The following KIFAP3 variants were observed in gnomAD, a reference collection of about 807,000 sequenced individuals.
The protein encoded by KIFAP3 is kinesin associated protein 3, also known as kinesin-associated protein 3.
In KIFAP3, 68 loss-of-function variants were observed where a neutral mutation model predicts 106.5. The ratio of observed to expected loss-of-function variants is 0.64; its 90% CI spans 0.53 to 0.78. KIFAP3 has a LOEUF of 0.78. Ranked by LOEUF, KIFAP3 falls within the 30% of genes least tolerant of loss-of-function variation. KIFAP3 has a pLI of 0.00. For missense variants in KIFAP3, 780 were observed against 941.8 expected, an observed-to-expected ratio of 0.83 and a Z score of 2.25; for synonymous variants, 320 against 311.5, an observed-to-expected ratio of 1.03 and a Z score of -0.29.
At chr1:170,064,665 TTAATA>T (rs1671345565) in intron 1 of KIFAP3, among the ~76,000 whole-genome samples, 1 of 152,248 alleles carries the variant, frequency 6.6e-6, no homozygotes, top group Admixed American at 6.5e-5. Flanking sequence ...GTTTCCTCAT[TTAATA>T]TGTTTATATC....
At position 170,038,169 on chromosome 1, in the gene KIFAP3, A is replaced by AAT. The variant is rs1244728475; in HGVS notation, c.517+119_517+120dup. 1.0e-5 allele frequency: 8 copies of AAT among 773,752 alleles called. No homozygotes were observed. In the African/African-American group the frequency reaches 1.4e-4, roughly 14 times the overall value. The allele number at this position is 773,752 out of a possible 1,614,324, so 47.9% of individuals were successfully genotyped here. A position where few individuals can be genotyped will look rare whatever the true frequency, so the allele number is the denominator to read the frequency against. ...GAGAATATTTAAATGCTACACTCTC[A>AAT]ATTTAAGAAATCTGAGTAAGAAAGA... On this transcript the variant is annotated intron_variant, in intron 5 of 19. Transcript: ENST00000361580.
At chr1:169,953,063 T>C (rs372952374) in intron 19 of KIFAP3, among the ~76,000 whole-genome samples, 1 of 152,288 alleles carries the variant, frequency 6.6e-6, no homozygotes, top group African/African-American at 2.4e-5. Flanking sequence ...AACTGTTCAC[T>C]GGACTAGCTT....
intron 18 of KIFAP3, among the ~76,000 whole-genome samples, chr1:169,959,738 C>T (rs1665215545): frequency 6.6e-6 from 1 of 151,966 alleles, no homozygotes; most frequent in Non-Finnish European, 1.5e-5. Context: ...ATCTTCAAAG[C>T]AAGAAACTTG....
chr1:169,992,760 C>T (rs1010342525), intron 10 of KIFAP3, among the ~76,000 whole-genome samples: 10 of 151,520 alleles, frequency 6.6e-5, no homozygotes, highest in Admixed American at 4.6e-4. Context: ...ATAACACAGC[C>T]GAAATATAGT....
chr1:170,038,162 C>T, intron 5 of KIFAP3, 128 bp downstream of exon 5: 1 of 717,672 alleles, frequency 1.4e-6, no homozygotes, highest in Non-Finnish European at 2.2e-6. Flanking sequence ...TTAAATGCTA[C>T]ACTCTCAATT....
intron 10 of KIFAP3, among the ~76,000 whole-genome samples, chr1:170,005,837 C>T (rs1387611766): frequency 2.0e-5 from 3 of 150,960 alleles, no homozygotes; most frequent in Non-Finnish European, 4.4e-5. Flanking sequence ...TGCACATGTA[C>T]CCTAAAACTT....
chr1:169,929,755 T>C (rs1663361400), intron 19 of KIFAP3, among the ~76,000 whole-genome samples: 1 of 152,126 alleles, frequency 6.6e-6, no homozygotes, highest in African/African-American at 2.4e-5. Flanking sequence ...TTCAAACTAG[T>C]ATTTTTTTTC....
chr1:169,978,571 ATAAG>A (rs1420977581), intron 15 of KIFAP3, among the ~76,000 whole-genome samples: 1 of 152,096 alleles, frequency 6.6e-6, no homozygotes, highest in African/African-American at 2.4e-5. Context: ...GCATGAAATA[ATAAG>A]TAATTTAGTT....
rs201487963 is a variant in KIFAP3 at position 170,016,694 on chromosome 1, TTTTC to T, written c.1021-74_1021-71del. 2.2e-5 allele frequency: 20 copies of T among 925,742 alleles called. No homozygotes were observed. In the East Asian group the frequency reaches 5.4e-4, roughly 25 times the overall value. 57.3% of individuals were successfully genotyped at this position (925,742 alleles called of 1,614,324 possible). A position where few individuals can be genotyped will look rare whatever the true frequency, so the allele number is the denominator to read the frequency against. On this transcript the variant is annotated intron_variant, in intron 9 of 19. Transcript: ENST00000361580. ...ATAGGACAAAAAGAATATAATTATT[TTTTC>T]TTTGTTTTTACCCTAATGTATATCT...
At chr1:170,069,707 C>A (rs1249474376) in intron 1 of KIFAP3, among the ~76,000 whole-genome samples, 4 of 151,998 alleles carry the variant, frequency 2.6e-5, no homozygotes, top group Non-Finnish European at 5.9e-5. Flanking sequence ...CAGCCAATAT[C>A]ATACTCAATG....
chr1:169,976,715 C>T (rs1376129120), intron 16 of KIFAP3, among the ~76,000 whole-genome samples: 1 of 151,930 alleles, frequency 6.6e-6, no homozygotes, highest in African/African-American at 2.4e-5. Flanking sequence ...TATATGGTTC[C>T]AGAATTTTTA....
chr1:169,986,849 G>C (rs991426810), intron 11 of KIFAP3, among the ~76,000 whole-genome samples: 7 of 151,458 alleles, frequency 4.6e-5, no homozygotes, highest in Non-Finnish European at 8.8e-5. Flanking sequence ...TTAAACACAG[G>C]GCTACAGGTC....
chr1:169,923,570 G>T (rs538430174), intron 19 of KIFAP3, among the ~76,000 whole-genome samples: 1 of 152,244 alleles, frequency 6.6e-6, no homozygotes, highest in East Asian at 1.9e-4. Context: ...CAACTCCTCT[G>T]AGGCCAAATA....
At chr1:169,965,190 T>A (rs985923154) in intron 17 of KIFAP3, among the ~76,000 whole-genome samples, 2 of 152,110 alleles carry the variant, frequency 1.3e-5, no homozygotes, top group Admixed American at 6.6e-5. Flanking sequence ...ATTTGAATGT[T>A]ATTTTTTTAA....
chr1:169,954,040 A>G lies in KIFAP3; in HGVS notation c.2244T>C (p.Asp748=). The change falls in exon 19 of 20, where the codon GAT becomes GAC. Residue 748 remains aspartate (D), a synonymous_variant. Transcript: ENST00000361580. ...FFNDYHLQNG[D]VVGQHSFPGS... is the part of the protein sequence containing the mutation. ...CAGGAAATGAATGCTGCCCAACAAC[A>G]TCTCCATTTTGAAGGTGGTAATCAT... 1 of 1,613,322 alleles carries G rather than the reference A, an allele frequency of 6.2e-7. No individual in the cohort carries two copies. The highest frequency in any genetic ancestry group is 8.5e-7 in the Non-Finnish European group (1 of 1,179,366).
chr1:170,002,859 A>G (rs1436729008), intron 10 of KIFAP3, among the ~76,000 whole-genome samples: 2 of 152,206 alleles, frequency 1.3e-5, no homozygotes, highest in Non-Finnish European at 2.9e-5. Context: ...CTCAGTTTTT[A>G]AGGATGAGAA....
At chr1:170,074,349 G>GAAC in intron 1 of KIFAP3, 87 bp downstream of exon 1, 13 of 1,474,674 alleles carry the variant, frequency 8.8e-6, no homozygotes, top group South Asian at 1.2e-5. Context: ...CTAAACTAGC[G>GAAC]TTGCCCAGTG....
chr1:170,003,091 T>C (rs944348205), intron 10 of KIFAP3, among the ~76,000 whole-genome samples: 1 of 152,132 alleles, frequency 6.6e-6, no homozygotes, highest in East Asian at 1.9e-4. Context: ...TTTATTAAAG[T>C]ACAATAAAAA....
intron 1 of KIFAP3, among the ~76,000 whole-genome samples, chr1:170,061,125 C>T (rs1671128081): frequency 6.6e-6 from 1 of 152,166 alleles, no homozygotes. Context: ...GTTTAAAACA[C>T]CAAAAGCAAT....
Sources: gnomAD v4.1 joint callset for allele counts (sites outside exome capture counted in the v4.1 genomes callset) on GRCh38, gnomAD v4.1.1 for gene constraint, MANE v1.5 for transcripts, NCBI Gene and HGNC (gene_info 2026-07-23, HGNC 2026-07-21) for gene names.